Variants in PCDHGA7 observed in about 807,000 individuals in gnomAD.
PCDHGA7 encodes protocadherin gamma-A7.
In PCDHGA7, 44 loss-of-function variants were observed where a neutral mutation model predicts 58.3. That is an observed-to-expected ratio of 0.75 (90% confidence interval 0.59 to 0.97). The LOEUF (loss-of-function observed/expected upper bound fraction) is 0.97. Ranked by LOEUF, PCDHGA7 falls within the 50% of genes least tolerant of loss-of-function variation. The pLI, the probability that PCDHGA7 is intolerant of heterozygous loss-of-function variation, is 0.00. For synonymous variants in PCDHGA7, 516 were observed against 504.2 expected, an observed-to-expected ratio of 1.02 and a Z score of -0.31; for missense variants, 1,266 against 1,188.7, an observed-to-expected ratio of 1.06 and a Z score of -0.96.
chr5:141,447,312 G>C (rs2098534178), intron 1 of PCDHGA7, among the ~76,000 whole-genome samples: 2 of 151,918 alleles, frequency 1.3e-5, no homozygotes, highest in African/African-American at 2.4e-5. Flanking sequence ...GCTAATTTTT[G>C]TATTTTTAGT....
chr5:141,482,530 CA>C (rs3074545), intron 1 of PCDHGA7, among the ~76,000 whole-genome samples: 1,133 of 76,538 alleles, frequency 0.015, 6 homozygotes, highest in Admixed American at 0.025. Flanking sequence ...GACAGACATG[CA>C]AAAAAAAAAA....
chr5:141,383,971 G>GAA lies in PCDHGA7; in HGVS notation c.1073_1074dup (p.Asp359LysfsTer25). ...GACGTCTTTAAGTAGCTCAATCCCTGAAGACACACCTCTTGGGACAGTCAT... is the reference window on the plus strand; with the variant it reads ...GACGTCTTTAAGTAGCTCAATCCCTGAAAAGACACACCTCTTGGGACAGTCAT... On this transcript the variant is annotated frameshift_variant, in exon 1 of 4. Transcript: ENST00000518325. LOFTEE classifies it high-confidence loss of function. The GAA allele has an allele frequency of 6.2e-7, 1 of 1,613,662 alleles. No individual in the cohort carries two copies. The highest frequency in any genetic ancestry group is 1.3e-5 in the African/African-American group (1 of 75,028).
In PCDHGA7 at chr5:141,463,518, G is replaced by A. The variant is rs537466389; in HGVS notation, c.2425-31289G>A. 5.7e-5 allele frequency among the ~76,000 whole-genome samples: 8 copies of A among 139,140 alleles called. No individual in the cohort carries two copies. The East Asian group carries it at 1.3e-3, about 22-fold the overall frequency. The allele number at this position is 139,140 out of a possible 152,430, so 91.3% of individuals were successfully genotyped here. On this transcript the variant is annotated intron_variant, in intron 1 of 3. Coordinates refer to ENST00000518325, the MANE Select transcript of PCDHGA7 (RefSeq NM_018920.4). The stretch of plus-strand genomic sequence containing the variant: ...GGCTGGAGTGACGTGGCGTGATCTC[G>A]GCTTACTAGAAACTCCGGCTCCCGG...
chr5:141,387,317 A>C (rs149989100), intron 1 of PCDHGA7, among the ~76,000 whole-genome samples: 9 of 152,348 alleles, frequency 5.9e-5, no homozygotes, highest in African/African-American at 1.4e-4. Flanking sequence ...CTAATGAGTA[A>C]GTATGGAAAA....
rs780436102 is a variant in PCDHGA7 at position 141,431,846 on chromosome 5, G to T, written c.2424+46523G>T. On this transcript the variant is annotated intron_variant, in intron 1 of 3. Coordinates refer to ENST00000518325, the MANE Select transcript of PCDHGA7 (RefSeq NM_018920.4). The surrounding 1 kb of genome is among the most constrained non-coding windows in gnomAD (Gnocchi z 4.8). ...CTCGGTTCCCGAAAACTCTCCCAGA[G>T]GGACATTAATTGCCCTTTTAAATGT... 4 of 1,614,274 alleles carry T rather than the reference G, an allele frequency of 2.5e-6. No homozygotes were observed. The South Asian group carries it at 4.4e-5, about 18-fold the overall frequency.
chr5:141,447,018 G>GT (rs1329161304), intron 1 of PCDHGA7, among the ~76,000 whole-genome samples: 6 of 142,194 alleles, frequency 4.2e-5, no homozygotes, highest in African/African-American at 1.6e-4. Context: ...GTTCAGTTTT[G>GT]TTTTGTTTTT....
chr5:141,492,285 A>T (rs2099739112), intron 1 of PCDHGA7, among the ~76,000 whole-genome samples: 1 of 152,132 alleles, frequency 6.6e-6, no homozygotes, highest in African/African-American at 2.4e-5. Flanking sequence ...CGCCCCGCCA[A>T]CACGTGCGCG....
chr5:141,393,947 G>C, intron 1 of PCDHGA7: 1 of 1,613,972 alleles, frequency 6.2e-7, no homozygotes, highest in South Asian at 1.1e-5. Context: ...ACTCTGGAAA[G>C]AATGGTCAAG....
At chr5:141,498,551 C>T (rs749191535) in intron 2 of PCDHGA7, among the ~76,000 whole-genome samples, 2 of 151,950 alleles carry the variant, frequency 1.3e-5, no homozygotes, top group Non-Finnish European at 2.9e-5. Context: ...GTCAGACACA[C>T]CAGCTTCAAA....
intron 1 of PCDHGA7, chr5:141,391,117 G>C (rs1180056630): frequency 6.6e-6 from 1 of 152,054 alleles, no homozygotes; most frequent in African/African-American, 2.4e-5. Flanking sequence ...TATAGCTAGA[G>C]GTCTTCTAAT....
chr5:141,459,827 A>T (rs779024675), intron 1 of PCDHGA7, among the ~76,000 whole-genome samples: 1 of 152,126 alleles, frequency 6.6e-6, no homozygotes, highest in Non-Finnish European at 1.5e-5. Context: ...GCAACTTTTC[A>T]TGTGTTGTCT....
rs759945612 is a variant in PCDHGA7 at position 141,409,754 on chromosome 5, C to T, written c.2424+24431C>T. ...GCAGAGCGGGGTGGTGTTCGCGCAG[C>T]GCGCCTTTGATCACGAGCAGCTGCG... On this transcript the variant is annotated intron_variant, in intron 1 of 3. Coordinates refer to ENST00000518325, the MANE Select transcript of PCDHGA7 (RefSeq NM_018920.4). 3 of 1,612,880 alleles carry T rather than the reference C, an allele frequency of 1.9e-6. No individual in the cohort carries two copies. In the Admixed American group the frequency reaches 5.0e-5, roughly 27 times the overall value.
chr5:141,454,580 ATT>A (rs1392342692), intron 1 of PCDHGA7, among the ~76,000 whole-genome samples: 2 of 151,234 alleles, frequency 1.3e-5, no homozygotes, highest in Non-Finnish European at 2.9e-5. Context: ...CTAATTTTGT[ATT>A]TTTAGTAGAG....
Position 141,485,399 on chromosome 5 carries a change from C to T in PCDHGA7, c.2425-9408C>T. On this transcript the variant is annotated intron_variant, in intron 1 of 3. Coordinates refer to ENST00000518325, the MANE Select transcript of PCDHGA7 (RefSeq NM_018920.4). This position sits in a 1 kb window ranked among gnomAD's most constrained non-coding sequence, Gnocchi z 5.7. ...TGGAGAGGTGAACCAAAGACACTTC[C>T]GTGTGGATTTGGACAGCGGAGCCCT... 3 of 1,614,000 alleles carry T rather than the reference C, an allele frequency of 1.9e-6. No homozygotes were observed. The highest frequency in any genetic ancestry group is 2.5e-6 in the Non-Finnish European group (3 of 1,179,922).
At chr5:141,421,679 C>T (rs1210753842) in intron 1 of PCDHGA7, 2 of 1,613,810 alleles carry the variant, frequency 1.2e-6, no homozygotes, top group Admixed American at 1.7e-5. Context: ...ATTCCTGGGG[C>T]GCGATTTGCT....
At chr5:141,507,842 C>CT (rs2099864170) in intron 3 of PCDHGA7, among the ~76,000 whole-genome samples, 1 of 152,230 alleles carries the variant, frequency 6.6e-6, no homozygotes, top group Admixed American at 6.5e-5. Flanking sequence ...GGGTCAGGCC[C>CT]TGCTCTCACT....
rs1210809217 is a variant in PCDHGA7 at position 141,432,990 on chromosome 5, A to G, written c.2424+47667A>G. The G allele has an allele frequency of 6.2e-7, 1 of 1,614,152 alleles. No individual in the cohort carries two copies. The highest frequency in any genetic ancestry group is 1.7e-5 in the Admixed American group (1 of 60,022). ...CCGGCGTCGCACTTTGTGGGCGTGGACGGGGTGCAGGCTTTCCTGCAGACC... is the reference window on the plus strand; with the variant it reads ...CCGGCGTCGCACTTTGTGGGCGTGGGCGGGGTGCAGGCTTTCCTGCAGACC... On this transcript the variant is annotated intron_variant, in intron 1 of 3. Transcript: ENST00000518325. This position sits in a 1 kb window ranked among gnomAD's most constrained non-coding sequence, Gnocchi z 6.0.
chr5:141,421,834 C>A, intron 1 of PCDHGA7: 2 of 1,613,748 alleles, frequency 1.2e-6, no homozygotes. Flanking sequence ...AAGCCTGGAC[C>A]GAGAGAAAGA....
At position 141,460,912 on chromosome 5, in the gene PCDHGA7, G is replaced by GTGTATATA. The variant is rs145509489; in HGVS notation, c.2425-33894_2425-33893insGTATATAT. ...TCGTGGCTGAGTAATATTCCATGGTGTATATATATATATGTGTGTGTGTAT... is the reference window on the plus strand; with the variant it reads ...TCGTGGCTGAGTAATATTCCATGGTGTGTATATATATATATATATATGTGTGTGTGTAT... On this transcript the variant is annotated intron_variant, in intron 1 of 3. Transcript: ENST00000518325. Among the ~76,000 whole-genome samples the GTGTATATA allele has an allele frequency of 5.0e-3, 740 of 149,316 alleles. 4 individuals are homozygous for GTGTATATA. The highest frequency in any genetic ancestry group is 0.015 in the African/African-American group (617 of 40,618).
Sources: allele counts gnomAD v4.1 joint callset (sites outside exome capture counted in the v4.1 genomes callset), GRCh38; gene constraint gnomAD v4.1.1; non-coding constraint Gnocchi (gnomAD v3.1); transcripts MANE v1.5; gene names NCBI Gene and HGNC (gene_info 2026-07-23, HGNC 2026-07-21).